ZFHX3: variants seen among roughly 807,000 people sequenced by gnomAD.
ZFHX3 encodes the protein zinc finger homeobox protein 3.
In ZFHX3, 42 loss-of-function variants were observed where a neutral mutation model predicts 279.1. The ratio of observed to expected loss-of-function variants is 0.15; its 90% CI spans 0.12 to 0.19. The LOEUF (loss-of-function observed/expected upper bound fraction) is 0.19, where lower values mean the gene tolerates loss of function less well. Ranked by LOEUF, ZFHX3 falls within the 10% of genes least tolerant of loss-of-function variation. The pLI, the probability that ZFHX3 is intolerant of heterozygous loss-of-function variation, is 1.00. For missense variants in ZFHX3, 4,981 were observed against 4,754.0 expected, an observed-to-expected ratio of 1.05 and a Z score of -1.40; for synonymous variants, 2,293 against 1,957.8, an observed-to-expected ratio of 1.17 and a Z score of -4.52.
rs1966483937 is a variant in ZFHX3 at position 73,120,525 on chromosome 16, T to C, written c.-897+10443A>G. On this transcript the variant is annotated intron_variant, in intron 7 of 17. Transcript: ENST00000641206. ...CTGGGCTCAAGTGATCCTTTCACTTTGGTCTCCCAAAGTTCTGGGATTCCA... is the reference window on the plus strand; with the variant it reads ...CTGGGCTCAAGTGATCCTTTCACTTCGGTCTCCCAAAGTTCTGGGATTCCA... 2.0e-5 allele frequency among the ~76,000 whole-genome samples: 3 copies of C among 152,292 alleles called. No homozygotes were observed. The South Asian group carries it at 6.2e-4, about 32-fold the overall frequency.
chr16:73,888,974 C>G (rs1818215771), intron 1 of ZFHX3, among the ~76,000 whole-genome samples: 1 of 151,568 alleles, frequency 6.6e-6, no homozygotes, highest in Admixed American at 6.6e-5. Context: ...AGATAAAGAC[C>G]CAATCTGCTC....
intron 8 of ZFHX3, chr16:73,092,855 A>G (rs753900656): frequency 2.0e-5 from 10 of 506,138 alleles, no homozygotes; most frequent in African/African-American, 5.8e-5. Flanking sequence ...CCCGGAGTTT[A>G]ATAGGGACAA....
rs576022479 is a variant in ZFHX3, at chr16:73,423,549, G to A, written c.-1291+32454C>T. On this transcript the variant is annotated intron_variant, in intron 3 of 17. Coordinates refer to the ZFHX3 transcript ENST00000641206. Reference sequence around the variant, plus strand: ...GGAAAGCCTGCTGAAGGATTCTGGGGAAAAGTTTGCTGTTAAGAGGTTTAG... The same window carrying A: ...GGAAAGCCTGCTGAAGGATTCTGGGAAAAAGTTTGCTGTTAAGAGGTTTAG... Among the ~76,000 whole-genome samples, 318 of 152,272 alleles carry A rather than the reference G, an allele frequency of 2.1e-3. 3 individuals are homozygous for A. The highest frequency in any genetic ancestry group is 3.6e-3 in the Non-Finnish European group (244 of 68,016).
At chr16:73,423,722 C>T (rs184893630) in intron 3 of ZFHX3, among the ~76,000 whole-genome samples, 10 of 152,150 alleles carry the variant, frequency 6.6e-5, no homozygotes, top group Admixed American at 4.6e-4. Flanking sequence ...CTTAGCCAGG[C>T]GCAGTGGTGC....
intron 1 of ZFHX3, among the ~76,000 whole-genome samples, chr16:72,973,207 G>A (rs868069469): frequency 5.3e-5 from 8 of 152,106 alleles, no homozygotes; most frequent in East Asian, 1.9e-4. Flanking sequence ...CCTCACTGTC[G>A]GCCCTGGTCT....
chr16:73,521,160 T>C (rs1045932303), intron 2 of ZFHX3, among the ~76,000 whole-genome samples: 2 of 152,180 alleles, frequency 1.3e-5, no homozygotes, highest in African/African-American at 4.8e-5. Flanking sequence ...AAACTATGTC[T>C]TGTTGTGGCT....
chr16:73,468,753 A>T (rs2018614325), intron 2 of ZFHX3, among the ~76,000 whole-genome samples: 1 of 152,170 alleles, frequency 6.6e-6, no homozygotes. Context: ...ATTTGGGAGG[A>T]GAAAAGATTT....
chr16:73,339,236 C>G (rs543359103), intron 3 of ZFHX3, among the ~76,000 whole-genome samples: 1 of 152,282 alleles, frequency 6.6e-6, no homozygotes, highest in Non-Finnish European at 1.5e-5. Context: ...CCTGCCCTCC[C>G]AAAGCACTGT....
intron 4 of ZFHX3, among the ~76,000 whole-genome samples, chr16:73,260,680 G>GTTTTTTTTTTTT (rs370384540): frequency 1.1e-5 from 1 of 88,406 alleles, no homozygotes. Flanking sequence ...CACCTATCTG[G>GTTTTTTTTTTTT]TTTTTTTTTT....
chr16:73,243,799 C>T (rs138545232), intron 5 of ZFHX3, among the ~76,000 whole-genome samples: 19 of 152,114 alleles, frequency 1.2e-4, no homozygotes, highest in East Asian at 3.9e-4. Context: ...TTTGGACTTA[C>T]GCAACAGATC....
chr16:73,533,381 C>T (rs2019841637), intron 2 of ZFHX3, among the ~76,000 whole-genome samples: 1 of 149,778 alleles, frequency 6.7e-6, no homozygotes, highest in African/African-American at 2.5e-5. Context: ...TGAAGTGAAA[C>T]ACTTTACTTC....
At chr16:73,721,682 A>G (rs1389312724) in intron 1 of ZFHX3, among the ~76,000 whole-genome samples, 1 of 152,234 alleles carries the variant, frequency 6.6e-6, no homozygotes, top group Admixed American at 6.5e-5. Context: ...CCCTGGCTCC[A>G]TGAGAACAAT....
chr16:73,884,405 C>T (rs1567439816), intron 1 of ZFHX3, among the ~76,000 whole-genome samples: 1 of 152,146 alleles, frequency 6.6e-6, no homozygotes, highest in Non-Finnish European at 1.5e-5. Flanking sequence ...TTCAGGATAT[C>T]TTTAAGACAA....
intron 7 of ZFHX3, among the ~76,000 whole-genome samples, chr16:72,804,359 G>C (rs1332146788): frequency 1.3e-5 from 2 of 152,180 alleles, no homozygotes; most frequent in Non-Finnish European, 2.9e-5. Flanking sequence ...TTATGATGCA[G>C]AATAAATAAC....
intron 1 of ZFHX3, among the ~76,000 whole-genome samples, chr16:73,763,346 G>A (rs975112592): frequency 1.3e-5 from 2 of 152,196 alleles, no homozygotes; most frequent in Non-Finnish European, 2.9e-5. Flanking sequence ...CTTGAGTGAG[G>A]TGTGTAATTG....
chr16:73,008,911 CGTGTGTGTGTGTGT>C (rs5817822), intron 1 of ZFHX3, among the ~76,000 whole-genome samples: 2 of 149,606 alleles, frequency 1.3e-5, no homozygotes, highest in Non-Finnish European at 3.0e-5. Context: ...AAAGTATATA[CGTGTGTGTGTGTGT>C]GTGTGTGTGT....
intron 1 of ZFHX3, among the ~76,000 whole-genome samples, chr16:72,969,980 C>A (rs1962030949): frequency 6.6e-6 from 1 of 152,218 alleles, no homozygotes; most frequent in Non-Finnish European, 1.5e-5. Flanking sequence ...CAGAGAATCG[C>A]CCAGGCCGTG....
intron 5 of ZFHX3, among the ~76,000 whole-genome samples, chr16:73,214,843 CTT>C (rs386385051): frequency 1.8e-3 from 144 of 79,212 alleles, no homozygotes; most frequent in Non-Finnish European, 2.2e-3. Context: ...TGCTGAAGGC[CTT>C]TTTTTTTTTT....
At position 72,800,100 on chromosome 16, in the gene ZFHX3, G is replaced by A; in HGVS notation, c.3894C>T (p.Ser1298=). 6.2e-7 allele frequency: 1 copy of A among 1,614,190 alleles called. No homozygotes were observed. The highest frequency in any genetic ancestry group is 1.6e-4 in the Middle Eastern group (1 of 6,062). Residue 1298 remains serine, a synonymous_variant, in exon 8 of 10, where the codon AGC becomes AGT. Coordinates refer to ENST00000268489, the MANE Select transcript of ZFHX3 (RefSeq NM_006885.4). Reference sequence around the variant, plus strand: ...GAACAGCTGCTGGGAGGAACATGCTGCTTGGCATCACCATCTCAGGGGTGG... The same window carrying A: ...GAACAGCTGCTGGGAGGAACATGCTACTTGGCATCACCATCTCAGGGGTGG... ...TVTTPEMVMP[S]SMFLPAAVPD...
Sources: allele counts gnomAD v4.1 joint callset (sites outside exome capture counted in the v4.1 genomes callset), GRCh38; gene constraint gnomAD v4.1.1; transcripts MANE v1.5; gene names NCBI Gene and HGNC (gene_info 2026-07-23, HGNC 2026-07-21).